Variants in SNTG2 observed in about 807,000 individuals in gnomAD.
SNTG2 encodes the protein syntrophin gamma 2.
Under a neutral mutation model 70.9 loss-of-function variants are expected in SNTG2, and 74 were observed. The ratio of observed to expected loss-of-function variants is 1.04; its 90% CI spans 0.86 to 1.27. SNTG2 has a LOEUF of 1.27. Among genes scored for constraint, SNTG2 ranks in the 50% most tolerant of loss-of-function variants. The probability of loss-of-function intolerance (pLI) is 0.00; values close to 1 mark genes in which losing one functional copy is unlikely to be tolerated. For synonymous variants in SNTG2, 278 were observed against 273.8 expected, an observed-to-expected ratio of 1.02 and a Z score of -0.15; for missense variants, 717 against 690.7, an observed-to-expected ratio of 1.04 and a Z score of -0.43.
At chr2:1,064,231 A>G (rs1411944404) in intron 1 of SNTG2, among the ~76,000 whole-genome samples, 1 of 152,104 alleles carries the variant, frequency 6.6e-6, no homozygotes, top group Non-Finnish European at 1.5e-5. Flanking sequence ...ATTCAAACAG[A>G]AGTAAAATAA....
rs1489474492 is a variant in SNTG2 at position 1,167,660 on chromosome 2, CCGCCCACAGACGGCAGAACTGAAGCCTAG to C, written c.499+2026_499+2054del. On this transcript the variant is annotated intron_variant, in intron 7 of 16. Transcript: ENST00000308624. ...AGACGGCAGAACTGAAGCCTAGAAG[CCGCCCACAGACGGCAGAACTGAAGCCTAG>C]AAGCCGCCCACAGACGGCAGAACTG... Among the ~76,000 whole-genome samples the C allele has an allele frequency of 4.6e-4, 39 of 84,096 alleles. 10 individuals carry two copies. The highest frequency in any genetic ancestry group is 1.4e-3 in the Admixed American group (11 of 7,766). The allele number at this position is 84,096 out of a possible 152,430, so 55.2% of individuals were successfully genotyped here.
intron 1 of SNTG2, among the ~76,000 whole-genome samples, chr2:1,043,503 C>T (rs1661560058): frequency 6.6e-6 from 1 of 152,056 alleles, no homozygotes; most frequent in Non-Finnish European, 1.5e-5. Flanking sequence ...GGCCCTATGT[C>T]CAGAATAGTA....
intron 4 of SNTG2, among the ~76,000 whole-genome samples, chr2:1,126,686 T>C (rs1249084369): frequency 1.3e-5 from 2 of 152,204 alleles, no homozygotes; most frequent in Non-Finnish European, 1.5e-5. Flanking sequence ...GATAAGATAA[T>C]ATCTTATTGT....
At chr2:1,273,475 C>T (rs907854885) in intron 14 of SNTG2, among the ~76,000 whole-genome samples, 15 of 152,002 alleles carry the variant, frequency 9.9e-5, no homozygotes, top group Non-Finnish European at 4.4e-5. Flanking sequence ...CCACTCCTAC[C>T]GTACTATCAA....
chr2:1,197,517 G>GTATATA (rs1672994500), intron 8 of SNTG2, among the ~76,000 whole-genome samples: 2 of 75,872 alleles, frequency 2.6e-5, no homozygotes, highest in Non-Finnish European at 2.8e-5. Flanking sequence ...GTATATATAT[G>GTATATA]TGTGTGTGTG....
At chr2:1,258,278 C>T (rs1056278680) in intron 12 of SNTG2, among the ~76,000 whole-genome samples, 4 of 152,180 alleles carry the variant, frequency 2.6e-5, no homozygotes, top group Admixed American at 2.0e-4. Context: ...GAAATAAGCA[C>T]CTGAAACTCC....
intron 14 of SNTG2, among the ~76,000 whole-genome samples, chr2:1,306,685 AGTGTGT>A (rs34835668): frequency 2.7e-5 from 4 of 149,006 alleles, no homozygotes; most frequent in African/African-American, 4.9e-5. Context: ...CCAGGGTGTG[AGTGTGT>A]GTGTGTGTGT....
intron 1 of SNTG2, among the ~76,000 whole-genome samples, chr2:1,022,282 G>A (rs144062289): frequency 1.3e-5 from 2 of 151,860 alleles, no homozygotes; most frequent in African/African-American, 4.8e-5. Context: ...AAATTCCTTT[G>A]TTTTTGTGAG....
intron 1 of SNTG2, among the ~76,000 whole-genome samples, chr2:1,041,636 T>C (rs984623358): frequency 4.6e-5 from 7 of 152,086 alleles, no homozygotes; most frequent in African/African-American, 1.7e-4. Flanking sequence ...GCACCTCCCC[T>C]CCCACTGCCT....
intron 6 of SNTG2, among the ~76,000 whole-genome samples, chr2:1,151,536 G>A (rs890141938): frequency 6.6e-6 from 1 of 152,142 alleles, no homozygotes; most frequent in African/African-American, 2.4e-5. Flanking sequence ...TTTCCCCCTA[G>A]ATTGAAGCGC....
chr2:989,179 A>G (rs1363816796), intron 1 of SNTG2, among the ~76,000 whole-genome samples: 1 of 152,212 alleles, frequency 6.6e-6, no homozygotes, highest in Admixed American at 6.5e-5. Flanking sequence ...TGGGATAAAG[A>G]TAGTGTTACT....
At chr2:1,284,374 A>G (rs1679684799) in intron 14 of SNTG2, among the ~76,000 whole-genome samples, 1 of 152,198 alleles carries the variant, frequency 6.6e-6, no homozygotes, top group Non-Finnish European at 1.5e-5. Flanking sequence ...CAGCCAGTTG[A>G]ACCTGGAAAT....
chr2:953,132 G>A (rs1013077265), intron 1 of SNTG2, among the ~76,000 whole-genome samples: 3 of 152,248 alleles, frequency 2.0e-5, no homozygotes, highest in Middle Eastern at 3.4e-3. Context: ...CTCCTGTTCG[G>A]TAACAGACCT....
At chr2:1,119,529 T>C (rs1166791769) in intron 4 of SNTG2, among the ~76,000 whole-genome samples, 1 of 149,446 alleles carries the variant, frequency 6.7e-6, no homozygotes, top group South Asian at 2.1e-4. Context: ...GAACATAAAC[T>C]GTGGAGGAGA....
At chr2:1,090,348 G>A (rs1254895248) in intron 2 of SNTG2, among the ~76,000 whole-genome samples, 5 of 152,064 alleles carry the variant, frequency 3.3e-5, no homozygotes, top group African/African-American at 9.7e-5. Flanking sequence ...GTGTACATTC[G>A]CTAGAAGTTA....
intron 9 of SNTG2, among the ~76,000 whole-genome samples, chr2:1,216,957 GGGCCAA>G (rs1674435357): frequency 6.6e-6 from 1 of 152,018 alleles, no homozygotes; most frequent in Non-Finnish European, 1.5e-5. Context: ...ATGTGAAAAA[GGGCCAA>G]GCTTGCTTCC....
At chr2:1,005,197 G>A (rs1009056022) in intron 1 of SNTG2, among the ~76,000 whole-genome samples, 2 of 152,144 alleles carry the variant, frequency 1.3e-5, no homozygotes, top group African/African-American at 2.4e-5. Flanking sequence ...GTGGAGCACC[G>A]AGGATGTTCA....
At chr2:1,224,841 G>C (rs902140160) in intron 9 of SNTG2, among the ~76,000 whole-genome samples, 11 of 152,224 alleles carry the variant, frequency 7.2e-5, no homozygotes, top group African/African-American at 2.2e-4. Flanking sequence ...CCAGGAGAAA[G>C]AATGGAAGCC....
chr2:1,363,145 A>T (rs1661294230), intron 16 of SNTG2, among the ~76,000 whole-genome samples: 1 of 145,760 alleles, frequency 6.9e-6, no homozygotes, highest in East Asian at 2.2e-4. Flanking sequence ...CCCATGAAAG[A>T]GGAACCATGA....
Sources: gnomAD v4.1 joint callset for allele counts (sites outside exome capture counted in the v4.1 genomes callset) on GRCh38, gnomAD v4.1.1 for gene constraint, MANE v1.5 for transcripts, NCBI Gene and HGNC (gene_info 2026-07-23, HGNC 2026-07-21) for gene names.